The following SLC8A1 variants were observed in gnomAD, a reference collection of about 807,000 sequenced individuals.
SLC8A1 encodes sodium/calcium exchanger 1.
In SLC8A1, 18 loss-of-function variants were observed where a neutral mutation model predicts 68.3. The ratio of observed to expected loss-of-function variants is 0.26; its 90% CI spans 0.18 to 0.39. The LOEUF (loss-of-function observed/expected upper bound fraction) is 0.39. Among genes scored for constraint, SLC8A1 ranks in the 10% least tolerant of loss-of-function variants. The probability of loss-of-function intolerance (pLI) is 1.00; values close to 1 mark genes in which losing one functional copy is unlikely to be tolerated. For synonymous variants in SLC8A1, 475 were observed against 415.5 expected, an observed-to-expected ratio of 1.14 and a Z score of -1.74; for missense variants, 985 against 1,156.7, an observed-to-expected ratio of 0.85 and a Z score of 2.15.
At chr2:40,271,970 A>C (rs1029485774) in intron 2 of SLC8A1, among the ~76,000 whole-genome samples, 4 of 152,012 alleles carry the variant, frequency 2.6e-5, no homozygotes, top group Non-Finnish European at 5.9e-5. Context: ...GGGCTCAAGC[A>C]ATCCTCCCAC....
intron 1 of SLC8A1, among the ~76,000 whole-genome samples, chr2:40,479,327 T>C (rs1222419587): frequency 6.6e-6 from 1 of 152,230 alleles, no homozygotes; most frequent in African/African-American, 2.4e-5. Flanking sequence ...ACTGTCTTTG[T>C]CTAATTATTT....
intron 2 of SLC8A1, among the ~76,000 whole-genome samples, chr2:40,318,051 A>T (rs1294277973): frequency 6.6e-6 from 1 of 152,090 alleles, no homozygotes; most frequent in Non-Finnish European, 1.5e-5. Context: ...AGAAGGCACT[A>T]AATATGGATT....
At chr2:40,199,889 CT>C (rs1223866566) in intron 2 of SLC8A1, among the ~76,000 whole-genome samples, 1 of 151,422 alleles carries the variant, frequency 6.6e-6, no homozygotes, top group Non-Finnish European at 1.5e-5. Context: ...GCAAGACTCT[CT>C]TCCCCCAATT....
intron 2 of SLC8A1, among the ~76,000 whole-genome samples, chr2:40,359,501 A>G (rs1575678601): frequency 1.3e-5 from 2 of 152,112 alleles, no homozygotes; most frequent in African/African-American, 4.8e-5. Flanking sequence ...GGATCTTCGC[A>G]GCTTCTGGGT....
rs1327353289 is a variant in SLC8A1 at position 40,391,208 on chromosome 2, C to G, written c.1808+37265G>C. Among the ~76,000 whole-genome samples the G allele has an allele frequency of 8.7e-5, 3 of 34,536 alleles. No individual in the cohort carries two copies. In the African/African-American group the frequency reaches 9.2e-4, roughly 11 times the overall value. The allele number at this position is 34,536 out of a possible 152,430, so 22.7% of individuals were successfully genotyped here. On this transcript the variant is annotated intron_variant, in intron 2 of 7. Coordinates refer to ENST00000406785, the Ensembl canonical transcript of SLC8A1. The stretch of plus-strand genomic sequence containing the variant: ...ATATATATTACACACACACATATGT[C>G]TGTGTGTATGTGTGTGTGTACATAT...
At chr2:40,100,669 G>A (rs1353839970) in exon 8 of SLC8A1, 1 of 152,262 alleles carries the variant, frequency 6.6e-6, no homozygotes, top group Non-Finnish European at 1.5e-5. Flanking sequence ...GAGCTATTTG[G>A]TAATCAGGTG....
chr2:40,108,736 C>T (rs6727351), exon 8 of SLC8A1: 131,112 of 152,128 alleles, frequency 0.86, 57,496 homozygotes, highest in South Asian at 0.95. Context: ...GGTGGAATTA[C>T]GTCAAAAAGT....
chr2:40,491,707 C>T (rs1156644955), intron 1 of SLC8A1, among the ~76,000 whole-genome samples: 1 of 152,096 alleles, frequency 6.6e-6, no homozygotes, highest in East Asian at 1.9e-4. Flanking sequence ...TGAATTTTGT[C>T]AAAGGCCTTT....
At chr2:40,486,532 C>T (rs1331986005) in intron 1 of SLC8A1, among the ~76,000 whole-genome samples, 2 of 152,042 alleles carry the variant, frequency 1.3e-5, no homozygotes, top group Non-Finnish European at 1.5e-5. Flanking sequence ...TTTCATACTC[C>T]ATAGTGTGTT....
chr2:40,486,348 G>T (rs1027163973), intron 1 of SLC8A1, among the ~76,000 whole-genome samples: 5 of 152,100 alleles, frequency 3.3e-5, no homozygotes, highest in African/African-American at 7.2e-5. Flanking sequence ...TGATACAAAA[G>T]AAATAATATG....
At chr2:40,126,431 T>C (rs920246554) in intron 7 of SLC8A1, among the ~76,000 whole-genome samples, 1 of 152,176 alleles carries the variant, frequency 6.6e-6, no homozygotes, top group African/African-American at 2.4e-5. Context: ...ATATTTAGAA[T>C]GGAGGGTCTG....
chr2:40,250,469 AT>A (rs2062561186), intron 2 of SLC8A1: 1 of 152,092 alleles, frequency 6.6e-6, no homozygotes. Flanking sequence ...ATCTGAATAA[AT>A]TTTCAACATA....
chr2:40,112,694 A>T (rs1392761257), exon 8 of SLC8A1: 1 of 152,200 alleles, frequency 6.6e-6, no homozygotes, highest in Non-Finnish European at 1.5e-5. Context: ...AGGATGGGTT[A>T]GAATGACAAA....
chr2:40,122,462 G>A (rs2037125767), intron 7 of SLC8A1, among the ~76,000 whole-genome samples: 1 of 152,192 alleles, frequency 6.6e-6, no homozygotes, highest in Non-Finnish European at 1.5e-5. Context: ...TAGAAGAGAA[G>A]GAAGCAGCGA....
chr2:40,336,264 G>C (rs189399531), intron 2 of SLC8A1, among the ~76,000 whole-genome samples: 2 of 152,240 alleles, frequency 1.3e-5, no homozygotes, highest in Admixed American at 1.3e-4. Flanking sequence ...ACTTGAAGGT[G>C]GGAAACATAT....
exon 8 of SLC8A1, chr2:40,098,357 T>A (rs1216728667): frequency 6.6e-6 from 1 of 152,074 alleles, no homozygotes; most frequent in Non-Finnish European, 1.5e-5. Flanking sequence ...ACAAAACATT[T>A]GAGTATATTT....
intron 1 of SLC8A1, among the ~76,000 whole-genome samples, chr2:40,475,875 T>G (rs546530270): frequency 6.6e-6 from 1 of 152,090 alleles, no homozygotes; most frequent in South Asian, 2.1e-4. Flanking sequence ...TTCAGTACTA[T>G]TTTCCCCCAA....
chr2:40,147,645 C>T (rs1182478939), intron 6 of SLC8A1, among the ~76,000 whole-genome samples: 3 of 152,108 alleles, frequency 2.0e-5, no homozygotes, highest in Non-Finnish European at 4.4e-5. Flanking sequence ...GAAGCTGAGT[C>T]GTGAAGCAAC....
chr2:40,467,709 A>G (rs1312276720), intron 1 of SLC8A1, among the ~76,000 whole-genome samples: 7 of 152,136 alleles, frequency 4.6e-5, no homozygotes, highest in East Asian at 1.9e-4. Flanking sequence ...TTAAATCCCA[A>G]TTAATTTCCT....
Sources: gnomAD v4.1 joint callset for allele counts (sites outside exome capture counted in the v4.1 genomes callset) on GRCh38, gnomAD v4.1.1 for gene constraint, MANE v1.5 for transcripts, NCBI Gene and HGNC (gene_info 2026-07-23, HGNC 2026-07-21) for gene names.